Variants in GRM5 observed in about 807,000 individuals in gnomAD.
The protein encoded by GRM5 is metabotropic glutamate receptor 5.
A neutral mutation model predicts 83.1 loss-of-function variants in GRM5; 19 were observed. The observed-to-expected ratio is 0.23, with a 90% CI of 0.16 to 0.34. The LOEUF (loss-of-function observed/expected upper bound fraction) is 0.34, where lower values mean the gene tolerates loss of function less well. GRM5 is among the 10% of genes least tolerant of loss of function. GRM5 has a pLI of 1.00. For synonymous variants in GRM5, 675 were observed against 633.6 expected (o/e 1.07, Z -0.98); for missense variants, 1,160 against 1,588.3 (o/e 0.73, Z 4.58).
At chr11:88,761,463 A>G (rs998148618) in intron 3 of GRM5, among the ~76,000 whole-genome samples, 3 of 151,996 alleles carry the variant, frequency 2.0e-5, no homozygotes, top group Non-Finnish European at 4.4e-5. Flanking sequence ...CTTCTCCCTT[A>G]AAAATAAAAT....
chr11:89,059,133 A>C (rs1941937527), intron 1 of GRM5, among the ~76,000 whole-genome samples: 1 of 152,136 alleles, frequency 6.6e-6, no homozygotes, highest in Admixed American at 6.5e-5. Flanking sequence ...TTATACTCAA[A>C]ATTTTAAAAC....
chr11:88,748,981 A>G (rs1246867016), intron 3 of GRM5, among the ~76,000 whole-genome samples: 1 of 152,200 alleles, frequency 6.6e-6, no homozygotes, highest in Admixed American at 6.5e-5. Flanking sequence ...CAGCCCACAA[A>G]GATGAGAAAG....
chr11:88,690,267 T>A (rs2135358715), intron 3 of GRM5, among the ~76,000 whole-genome samples: 1 of 152,322 alleles, frequency 6.6e-6, no homozygotes, highest in Middle Eastern at 3.4e-3. Context: ...AAACTTGCTT[T>A]ACCCTGAATT....
At chr11:88,687,261 T>C (rs1940650626) in intron 3 of GRM5, among the ~76,000 whole-genome samples, 1 of 150,918 alleles carries the variant, frequency 6.6e-6, no homozygotes, top group African/African-American at 2.4e-5. Context: ...GATCATGAAG[T>C]CAGGAGACAG....
At chr11:88,603,089 G>A (rs1006998694) in intron 5 of GRM5, among the ~76,000 whole-genome samples, 5 of 152,162 alleles carry the variant, frequency 3.3e-5, no homozygotes, top group African/African-American at 1.2e-4. Flanking sequence ...TAAGTATGTT[G>A]TTCTTGAAAG....
At chr11:88,806,238 G>C (rs1374295579) in intron 3 of GRM5, among the ~76,000 whole-genome samples, 1 of 152,174 alleles carries the variant, frequency 6.6e-6, no homozygotes, top group Non-Finnish European at 1.5e-5. Context: ...GGTCCACAGG[G>C]AGGAGGAGAG....
chr11:88,600,958 T>C (rs1401301105), intron 5 of GRM5, among the ~76,000 whole-genome samples: 1 of 152,202 alleles, frequency 6.6e-6, no homozygotes, highest in Admixed American at 6.5e-5. Context: ...GGTTGGACAA[T>C]CACAGAGTAA....
intron 4 of GRM5, among the ~76,000 whole-genome samples, chr11:88,612,028 A>G (rs1356422534): frequency 1.3e-5 from 2 of 151,530 alleles, no homozygotes; most frequent in African/African-American, 4.8e-5. Context: ...CAGGTTAGTT[A>G]CATATGTATA....
chr11:89,027,889 G>C lies in GRM5; in HGVS notation c.661+19323C>G, dbSNP rs1941164970. On this transcript the variant is annotated intron_variant, in intron 2 of 9. Transcript: ENST00000305447. ...GCCCTTGTGGTGGTGTTAACAGGTG[G>C]GACTTTGGGAGGTGATGGGGCCATC... is the stretch of plus-strand genomic sequence containing the variant. Among the ~76,000 whole-genome samples, 3 of 152,098 alleles carry C rather than the reference G, an allele frequency of 2.0e-5. No homozygotes were observed. The South Asian group carries it at 6.2e-4, about 32-fold the overall frequency.
intron 3 of GRM5, among the ~76,000 whole-genome samples, chr11:88,718,260 A>G (rs1242909298): frequency 6.6e-6 from 1 of 151,928 alleles, no homozygotes; most frequent in African/African-American, 2.4e-5. Context: ...TTTGAGAGCA[A>G]AGGTCATATC....
At chr11:89,020,962 G>T (rs1414043958) in intron 2 of GRM5, among the ~76,000 whole-genome samples, 1 of 152,132 alleles carries the variant, frequency 6.6e-6, no homozygotes, top group East Asian at 1.9e-4. Context: ...GTTTACCAAG[G>T]CTATTTCCTT....
chr11:88,631,157 C>A (rs2135271844), intron 4 of GRM5, among the ~76,000 whole-genome samples: 1 of 152,242 alleles, frequency 6.6e-6, no homozygotes, highest in South Asian at 2.1e-4. Context: ...TATATAGCAT[C>A]TGACACTCAG....
At chr11:88,755,937 C>A (rs1175539866) in intron 3 of GRM5, among the ~76,000 whole-genome samples, 1 of 152,056 alleles carries the variant, frequency 6.6e-6, no homozygotes, top group Non-Finnish European at 1.5e-5. Flanking sequence ...CCCTAAATTT[C>A]TTACTAAAAC....
chr11:88,907,363 C>A (rs1354938226), intron 2 of GRM5, among the ~76,000 whole-genome samples: 1 of 152,074 alleles, frequency 6.6e-6, no homozygotes, highest in African/African-American at 2.4e-5. Flanking sequence ...TCCATGCCCC[C>A]ACTCTGTCCA....
chr11:88,576,811 G>A (rs768486479), intron 7 of GRM5, among the ~76,000 whole-genome samples: 4 of 152,068 alleles, frequency 2.6e-5, no homozygotes, highest in Non-Finnish European at 4.4e-5. Flanking sequence ...TTTTAAAACC[G>A]ATAGGGTATC....
At chr11:89,010,533 C>G (rs1007149814) in intron 2 of GRM5, among the ~76,000 whole-genome samples, 3 of 151,966 alleles carry the variant, frequency 2.0e-5, no homozygotes, top group Admixed American at 6.6e-5. Context: ...ATTCATGCAA[C>G]TGTAAGGGAT....
intron 7 of GRM5, among the ~76,000 whole-genome samples, chr11:88,577,341 G>A (rs995862803): frequency 6.6e-6 from 1 of 151,960 alleles, no homozygotes; most frequent in Non-Finnish European, 1.5e-5. Context: ...GAAAATATGG[G>A]GACAAAGTGC....
intron 2 of GRM5, among the ~76,000 whole-genome samples, chr11:88,952,382 T>C (rs1397742596): frequency 6.6e-6 from 1 of 152,244 alleles, no homozygotes; most frequent in African/African-American, 2.4e-5. Context: ...TTAATTGGTA[T>C]GTCTCATACA....
chr11:88,985,583 T>A (rs150974166), intron 2 of GRM5, among the ~76,000 whole-genome samples: 3,271 of 152,230 alleles, frequency 0.021, 103 homozygotes, highest in African/African-American at 0.073. Context: ...GAAGTCCTAA[T>A]CATACCAAGA....
Sources: gnomAD v4.1 joint callset for allele counts (sites outside exome capture counted in the v4.1 genomes callset) on GRCh38, gnomAD v4.1.1 for gene constraint, MANE v1.5 for transcripts, NCBI Gene and HGNC (gene_info 2026-07-23, HGNC 2026-07-21) for gene names.